Variants in RAP1GAP2 observed in about 807,000 individuals in gnomAD.
RAP1GAP2 encodes the protein rap1 GTPase-activating protein 2.
Under a neutral mutation model 95.0 loss-of-function variants are expected in RAP1GAP2, and 27 were observed. That is an observed-to-expected ratio of 0.28 (90% confidence interval 0.21 to 0.39). RAP1GAP2 has a LOEUF of 0.39. Among genes scored for constraint, RAP1GAP2 ranks in the 10% least tolerant of loss-of-function variants. The pLI is 1.00. For synonymous variants in RAP1GAP2, 373 were observed against 380.9 expected (o/e 0.98, Z 0.24); for missense variants, 771 against 970.0 (o/e 0.79, Z 2.72).
At chr17:2,863,719 CT>C (rs1380084779) in intron 2 of RAP1GAP2, among the ~76,000 whole-genome samples, 1 of 152,104 alleles carries the variant, frequency 6.6e-6, no homozygotes, top group African/African-American at 2.4e-5. Flanking sequence ...AGGCATCTCT[CT>C]TGTCTTTGGT....
At chr17:2,921,321 C>T (rs372503154) in intron 3 of RAP1GAP2, among the ~76,000 whole-genome samples, 2 of 152,134 alleles carry the variant, frequency 1.3e-5, no homozygotes, top group African/African-American at 4.8e-5. Context: ...CTGCCTCAGC[C>T]TCCCAAGTAG....
intron 2 of RAP1GAP2, among the ~76,000 whole-genome samples, chr17:2,830,612 G>A (rs1434594645): frequency 6.6e-6 from 1 of 151,356 alleles, no homozygotes; most frequent in Non-Finnish European, 1.5e-5. Flanking sequence ...TACTCAGGAA[G>A]CTGAGGCAGG....
intron 13 of RAP1GAP2, among the ~76,000 whole-genome samples, chr17:2,996,279 A>G (rs1166075490): frequency 6.6e-6 from 1 of 152,022 alleles, no homozygotes; most frequent in Non-Finnish European, 1.5e-5. Flanking sequence ...TGCTGCTCTG[A>G]CAGCCGTGCA....
At position 3,026,412 on chromosome 17, in the gene RAP1GAP2, G is replaced by T; in HGVS notation, c.1928G>T (p.Ser643Ile). The T allele has an allele frequency of 6.4e-7, 1 of 1,552,766 alleles. No homozygotes were observed. Among genetic ancestry groups the T allele is most frequent in the Middle Eastern group, 1.7e-4 (1 of 5,994 alleles). ...AISRSSSSTS[S>I]VSSTAGEGEA... is the part of the protein sequence containing the mutation. ...TCCCGCTCCTCCTCCAGCACCAGCA[G>T]CGTCAGCAGCACTGCAGGGGAGGGC... The change falls in exon 21 of 25, where the codon AGC (serine) becomes ATC (isoleucine). Residue 643 changes from serine to isoleucine, a missense_variant. By Grantham distance (142) the Ser-to-Ile change is moderately radical. Coordinates refer to ENST00000254695, the MANE Select transcript of RAP1GAP2 (RefSeq NM_015085.5).
At chr17:2,838,400 C>CA (rs2071235905) in intron 2 of RAP1GAP2, among the ~76,000 whole-genome samples, 1 of 152,026 alleles carries the variant, frequency 6.6e-6, no homozygotes, top group Non-Finnish European at 1.5e-5. Context: ...ATGCTGAACC[C>CA]AGGGGGTGGT....
chr17:2,907,270 A>G (rs2042228731), intron 3 of RAP1GAP2, among the ~76,000 whole-genome samples: 1 of 152,124 alleles, frequency 6.6e-6, no homozygotes, highest in African/African-American at 2.4e-5. Context: ...AGGGAGGGGT[A>G]GGTCCTAGAG....
At chr17:2,921,122 A>T (rs572595983) in intron 3 of RAP1GAP2, among the ~76,000 whole-genome samples, 1 of 152,178 alleles carries the variant, frequency 6.6e-6, no homozygotes, top group Admixed American at 6.5e-5. Context: ...TGGGGTGTAG[A>T]TTTGATTCCT....
rs528867231 is a variant in RAP1GAP2 at position 2,900,141 on chromosome 17, C to A, written c.81-5143C>A. 2.6e-5 allele frequency among the ~76,000 whole-genome samples: 4 copies of A among 152,144 alleles called. 1 individual carries two copies. Among genetic ancestry groups the A allele is most frequent in the Non-Finnish European group, 5.9e-5 (4 of 68,026 alleles). ...GGAGTTTCAGGCTTTGGGAGAACCC[C>A]GTGTGGAGGGGGCCTTACACCTGGC... On this transcript the variant is annotated intron_variant, in intron 2 of 24. Coordinates refer to ENST00000254695, the MANE Select transcript of RAP1GAP2 (RefSeq NM_015085.5).
chr17:2,819,935 C>T (rs529128118), intron 2 of RAP1GAP2, among the ~76,000 whole-genome samples: 15 of 151,920 alleles, frequency 9.9e-5, no homozygotes, highest in African/African-American at 3.6e-4. Flanking sequence ...ACAGCATGCA[C>T]CACCATGCTT....
intron 2 of RAP1GAP2, among the ~76,000 whole-genome samples, chr17:2,806,540 G>A (rs1040839105): frequency 2.0e-5 from 3 of 148,970 alleles, no homozygotes; most frequent in Non-Finnish European, 3.0e-5. Context: ...TTACAGGTGC[G>A]GCCCACCGTG....
Position 2,963,810 on chromosome 17 carries a change from TC to T in RAP1GAP2, c.280-42del. 1.4e-6 allele frequency: 2 copies of T among 1,475,242 alleles called. No individual in the cohort carries two copies. The highest frequency in any genetic ancestry group is 1.8e-6 in the Non-Finnish European group (2 of 1,094,472). The allele number at this position is 1,475,242 out of a possible 1,614,324, so 91.4% of individuals were successfully genotyped here. On this transcript the variant is annotated intron_variant, in intron 6 of 24. Coordinates refer to ENST00000254695, the MANE Select transcript of RAP1GAP2 (RefSeq NM_015085.5). The surrounding 1 kb of genome is among the most constrained non-coding windows in gnomAD (Gnocchi z 4.8). Reference sequence around the variant, plus strand: ...GGGACACCGCCACCGGCCCCCTCCCTCCCCTGCGGTCCCAGGGGAGCGCACG... The same window carrying T: ...GGGACACCGCCACCGGCCCCCTCCCTCCCTGCGGTCCCAGGGGAGCGCACG...
intron 8 of RAP1GAP2, among the ~76,000 whole-genome samples, chr17:2,975,865 C>G (rs1305476511): frequency 6.6e-6 from 1 of 152,230 alleles, no homozygotes; most frequent in Admixed American, 6.5e-5. Context: ...ATTTTGACTC[C>G]GAACACCTTA....
At chr17:2,889,889 A>ATATATATATATATATATTTTT (rs1408426152) in intron 2 of RAP1GAP2, among the ~76,000 whole-genome samples, 1 of 57,324 alleles carries the variant, frequency 1.7e-5, no homozygotes, top group African/African-American at 7.2e-5. Context: ...ATATATATAT[A>ATATATATATATATATATTTTT]TTTTTTTTTT....
intron 2 of RAP1GAP2, among the ~76,000 whole-genome samples, chr17:2,890,737 T>A (rs1179619537): frequency 6.7e-6 from 1 of 150,006 alleles, no homozygotes; most frequent in Non-Finnish European, 1.5e-5. Flanking sequence ...CAGGCTGGAG[T>A]GCAGTGGCGC....
intron 2 of RAP1GAP2, among the ~76,000 whole-genome samples, chr17:2,891,300 A>G (rs575088348): frequency 6.6e-6 from 1 of 151,990 alleles, no homozygotes; most frequent in Admixed American, 6.6e-5. Context: ...GGTGCTTGCC[A>G]CCATGCCTGG....
chr17:3,007,053 G>C (rs2046365649), intron 16 of RAP1GAP2, among the ~76,000 whole-genome samples: 1 of 152,050 alleles, frequency 6.6e-6, no homozygotes, highest in African/African-American at 2.4e-5. Context: ...AAAGAGTGGG[G>C]AAGGGAGGGC....
chr17:3,032,026 T>A lies in RAP1GAP2; in HGVS notation c.2185-385T>A, dbSNP rs34904247. Among the ~76,000 whole-genome samples the A allele has an allele frequency of 3.9e-3, 437 of 110,708 alleles. 1 individual carries two copies. Among genetic ancestry groups the A allele is most frequent in the Non-Finnish European group, 5.1e-3 (256 of 50,126 alleles). The allele number at this position is 110,708 out of a possible 152,430, so 72.6% of individuals were successfully genotyped here. A position where few individuals can be genotyped will look rare whatever the true frequency, so the allele number is the denominator to read the frequency against. On this transcript the variant is annotated intron_variant, in intron 23 of 24. Coordinates refer to ENST00000254695, the MANE Select transcript of RAP1GAP2 (RefSeq NM_015085.5). ...AGACTATCGAGAGCTCCAGGCCCAG[T>A]TGTGAGGTGGGAAGGGCTGGTTCTT...
At chr17:2,801,333 A>G (rs178561) in intron 2 of RAP1GAP2, among the ~76,000 whole-genome samples, 121,703 of 150,936 alleles carry the variant, frequency 0.81, 49,218 homozygotes, top group Admixed American at 0.86. Context: ...AAATTAGCTG[A>G]GCGTGATGGC....
In RAP1GAP2 at chr17:2,904,268, C is replaced by T. The variant is rs1051482479; in HGVS notation, c.81-1016C>T. ...TGCCCAGCTGGCCCTGTTGTGCAGC[C>T]GTGGCTCTGAAGGCTGATCCCATGC... is the stretch of plus-strand genomic sequence containing the variant. On this transcript the variant is annotated intron_variant, in intron 2 of 24. Coordinates refer to ENST00000254695, the MANE Select transcript of RAP1GAP2 (RefSeq NM_015085.5). The surrounding 1 kb of genome is among the most constrained non-coding windows in gnomAD (Gnocchi z 4.7). 3.3e-5 allele frequency among the ~76,000 whole-genome samples: 5 copies of T among 152,188 alleles called. No homozygotes were observed. Among genetic ancestry groups the T allele is most frequent in the South Asian group, 2.1e-4 (1 of 4,822 alleles).
Sources: gnomAD v4.1 joint callset for allele counts (sites outside exome capture counted in the v4.1 genomes callset) on GRCh38, gnomAD v4.1.1 for gene constraint, Gnocchi (gnomAD v3.1) non-coding constraint, MANE v1.5 for transcripts, NCBI Gene and HGNC (gene_info 2026-07-23, HGNC 2026-07-21) for gene names.